DSCAM: variants seen among roughly 807,000 people sequenced by gnomAD.
DSCAM encodes the protein cell adhesion molecule DSCAM.
In DSCAM, 47 loss-of-function variants were observed where a neutral mutation model predicts 217.7. The observed-to-expected ratio is 0.22, with a 90% confidence interval of 0.17 to 0.28. The LOEUF (loss-of-function observed/expected upper bound fraction) is 0.28, where lower values mean the gene tolerates loss of function less well. Ranked by LOEUF, DSCAM falls within the 10% of genes least tolerant of loss-of-function variation. DSCAM has a pLI of 1.00. For synonymous variants in DSCAM, 1,056 were observed against 1,015.3 expected, an observed-to-expected ratio of 1.04 and a Z score of -0.76; for missense variants, 2,080 against 2,618.3, an observed-to-expected ratio of 0.79 and a Z score of 4.49.
At chr21:40,588,386 G>A (rs894586532) in intron 3 of DSCAM, among the ~76,000 whole-genome samples, 1 of 152,174 alleles carries the variant, frequency 6.6e-6, no homozygotes, top group African/African-American at 2.4e-5. Context: ...ACATTAGTCA[G>A]AACATCTAAA....
intron 11 of DSCAM, among the ~76,000 whole-genome samples, chr21:40,258,140 T>C (rs2073399608): frequency 6.6e-6 from 1 of 152,216 alleles, no homozygotes; most frequent in Non-Finnish European, 1.5e-5. Flanking sequence ...GAAAGTATTG[T>C]TCCTAGCAGC....
At chr21:40,639,286 T>A (rs576777400) in intron 3 of DSCAM, among the ~76,000 whole-genome samples, 88 of 152,300 alleles carry the variant, frequency 5.8e-4, no homozygotes, top group Non-Finnish European at 9.8e-4. Flanking sequence ...AAAATAATTT[T>A]ATGTATGTTG....
At chr21:40,375,477 GC>G (rs1293057605) in intron 3 of DSCAM, among the ~76,000 whole-genome samples, 1 of 152,202 alleles carries the variant, frequency 6.6e-6, no homozygotes, top group African/African-American at 2.4e-5. Flanking sequence ...GAGGCTCTGA[GC>G]CCAGATCTCT....
intron 3 of DSCAM, among the ~76,000 whole-genome samples, chr21:40,521,428 T>C (rs1180878383): frequency 3.3e-5 from 5 of 152,352 alleles, no homozygotes; most frequent in South Asian, 2.1e-4. Context: ...GTTATCTTAT[T>C]ATGTCTTTTG....
At chr21:40,416,718 TA>T in intron 3 of DSCAM, among the ~76,000 whole-genome samples, 1 of 151,990 alleles carries the variant, frequency 6.6e-6, no homozygotes, top group African/African-American at 2.4e-5. Flanking sequence ...GATCCTATAA[TA>T]AAAACTTTAA....
chr21:40,273,760 G>A lies in DSCAM; in HGVS notation c.2356+2337C>T, dbSNP rs1289180801. On this transcript the variant is annotated intron_variant, in intron 11 of 32. Transcript: ENST00000400454. ...TGAGATGGGGCTGCCAGCAGGGGCAGGTTCTAGCATCCTCCTCCAGGTTGC... is the reference window on the plus strand; with the variant it reads ...TGAGATGGGGCTGCCAGCAGGGGCAAGTTCTAGCATCCTCCTCCAGGTTGC... Among the ~76,000 whole-genome samples, 6 of 152,310 alleles carry A rather than the reference G, an allele frequency of 3.9e-5. No homozygotes were observed. In the East Asian group the frequency reaches 1.2e-3, roughly 29 times the overall value.
intron 11 of DSCAM, among the ~76,000 whole-genome samples, chr21:40,209,864 G>T (rs1292688605): frequency 6.6e-6 from 1 of 152,090 alleles, no homozygotes; most frequent in African/African-American, 2.4e-5. Context: ...CTATCCTAGG[G>T]CTCTGCCAGA....
chr21:40,817,741 A>T (rs972880179), intron 1 of DSCAM, among the ~76,000 whole-genome samples: 1 of 152,184 alleles, frequency 6.6e-6, no homozygotes, highest in African/African-American at 2.4e-5. Context: ...GCAATTTGTC[A>T]TCATTTATAT....
intron 3 of DSCAM, among the ~76,000 whole-genome samples, chr21:40,376,552 C>T (rs9983509): frequency 2.5e-5 from 1 of 39,728 alleles, no homozygotes; most frequent in Non-Finnish European, 5.4e-5. Context: ...TATCTTATAT[C>T]GATATCTATA....
chr21:40,179,800 A>G (rs2090779103), intron 14 of DSCAM, among the ~76,000 whole-genome samples: 2 of 152,238 alleles, frequency 1.3e-5, no homozygotes, highest in South Asian at 4.1e-4. Flanking sequence ...GACATTTTGT[A>G]TCTGGTGGTT....
intron 20 of DSCAM, among the ~76,000 whole-genome samples, chr21:40,116,536 G>C (rs534366580): frequency 2.6e-5 from 4 of 152,022 alleles, no homozygotes; most frequent in Non-Finnish European, 5.9e-5. Flanking sequence ...GTAATCCTTG[G>C]TTGATCCAAG....
At chr21:40,690,618 C>G (rs536715775) in intron 3 of DSCAM, among the ~76,000 whole-genome samples, 3 of 152,316 alleles carry the variant, frequency 2.0e-5, no homozygotes, top group Admixed American at 6.5e-5. Flanking sequence ...CAGTTCCTAT[C>G]AGAGGGGCAT....
Position 40,178,938 on chromosome 21 carries a change from G to A in DSCAM, c.2936C>T (p.Ala979Val), listed in dbSNP as rs369435140. Reference protein sequence around the residue: ...SEPSNELTITADEAAPDGPPQ... With the variant: ...SEPSNELTITVDEAAPDGPPQ... ...CCGGTCCCACGTACCTGCCTCGTCC[G>A]CCGTGATGGTGAGCTCGTTGCTGGG... Residue 979 changes from alanine to valine, a missense_variant, in exon 15 of 33, where the codon GCG (alanine) becomes GTG (valine). Ala to Val is a moderately conservative substitution (Grantham distance 64). Around this residue, in one of 5 missense-constraint regions of DSCAM, gnomAD observed 1,144 missense variants for 1,421.1 expected, o/e 0.81. Transcript: ENST00000400454. 1 of 1,613,700 alleles carries A rather than the reference G, an allele frequency of 6.2e-7. No individual in the cohort carries two copies. Among genetic ancestry groups the A allele is most frequent in the Non-Finnish European group, 8.5e-7 (1 of 1,179,982 alleles).
At chr21:40,017,816 T>C (rs1197549562) in intron 32 of DSCAM, among the ~76,000 whole-genome samples, 3 of 152,198 alleles carry the variant, frequency 2.0e-5, no homozygotes, top group African/African-American at 7.2e-5. Flanking sequence ...CCTCCCAAAG[T>C]GTTGGGATTA....
intron 1 of DSCAM, among the ~76,000 whole-genome samples, chr21:40,734,654 T>A (rs1328291034): frequency 6.6e-6 from 1 of 152,204 alleles, no homozygotes; most frequent in Non-Finnish European, 1.5e-5. Flanking sequence ...AGCAGCCTCT[T>A]AGGAAAAATT....
At chr21:40,157,527 A>G (rs1448790837) in intron 16 of DSCAM, among the ~76,000 whole-genome samples, 1 of 152,178 alleles carries the variant, frequency 6.6e-6, no homozygotes, top group Admixed American at 6.5e-5. Flanking sequence ...GCTCCAATGG[A>G]TAGTTCTAAC....
At chr21:40,576,072 A>C (rs558559337) in intron 3 of DSCAM, among the ~76,000 whole-genome samples, 25 of 139,090 alleles carry the variant, frequency 1.8e-4, no homozygotes, top group Admixed American at 6.1e-4. Context: ...AAGTTTTATA[A>C]AGTTAAACAT....
At chr21:40,623,183 A>G (rs1029845302) in intron 3 of DSCAM, among the ~76,000 whole-genome samples, 1 of 152,180 alleles carries the variant, frequency 6.6e-6, no homozygotes, top group Non-Finnish European at 1.5e-5. Flanking sequence ...GGAGATCTGA[A>G]GCGGGGCCCT....
chr21:40,665,940 C>A (rs747363255), intron 3 of DSCAM, among the ~76,000 whole-genome samples: 2 of 150,692 alleles, frequency 1.3e-5, no homozygotes, highest in Admixed American at 6.6e-5. Context: ...GTTCTTTGGG[C>A]CCTAAGGTGA....
Sources: gnomAD v4.1 joint callset for allele counts (sites outside exome capture counted in the v4.1 genomes callset) on GRCh38, gnomAD v4.1.1 for gene constraint, gnomAD v4.1.1 regional missense constraint, MANE v1.5 for transcripts, NCBI Gene and HGNC (gene_info 2026-07-23, HGNC 2026-07-21) for gene names.